PRKN: variants seen among roughly 807,000 people sequenced by gnomAD.
PRKN encodes the protein E3 ubiquitin-protein ligase parkin.
In PRKN, 56 loss-of-function variants were observed where a neutral mutation model predicts 59.5. The ratio of observed to expected loss-of-function variants is 0.94; its 90% confidence interval spans 0.76 to 1.18. The LOEUF (loss-of-function observed/expected upper bound fraction) is 1.18. Among genes scored for constraint, PRKN ranks in the 50% most tolerant of loss-of-function variants. PRKN has a pLI of 0.00. For missense variants in PRKN, 657 were observed against 596.4 expected (o/e 1.10, Z -1.06); for synonymous variants, 250 against 222.1 (o/e 1.13, Z -1.12).
At chr6:162,325,048 GA>G (rs903481544) in intron 2 of PRKN, among the ~76,000 whole-genome samples, 8 of 149,992 alleles carry the variant, frequency 5.3e-5, no homozygotes, top group South Asian at 2.1e-4. Context: ...TTTTAATTTG[GA>G]AAAAAAAATC....
chr6:162,571,837 A>C (rs935667450), intron 1 of PRKN, among the ~76,000 whole-genome samples: 2 of 152,220 alleles, frequency 1.3e-5, no homozygotes, highest in South Asian at 4.1e-4. Flanking sequence ...AGGAAAATGC[A>C]GATAAGTAAC....
At chr6:162,358,799 C>A (rs1185637020) in intron 2 of PRKN, among the ~76,000 whole-genome samples, 1 of 151,988 alleles carries the variant, frequency 6.6e-6, no homozygotes, top group East Asian at 1.9e-4. Context: ...GCAGCTCACG[C>A]CTGTAATCCC....
At chr6:161,630,637 A>G (rs1783267446) in intron 7 of PRKN, among the ~76,000 whole-genome samples, 1 of 152,112 alleles carries the variant, frequency 6.6e-6, no homozygotes, top group Non-Finnish European at 1.5e-5. Context: ...CAAATTCATC[A>G]TCTTTAAGTT....
intron 10 of PRKN, among the ~76,000 whole-genome samples, chr6:161,383,691 G>T (rs1410188972): frequency 6.6e-6 from 1 of 152,194 alleles, no homozygotes. Flanking sequence ...GCCTGGGGTG[G>T]TCATGGCTCC....
intron 1 of PRKN, among the ~76,000 whole-genome samples, chr6:162,639,757 TAAAGAA>T (rs1280520289): frequency 6.6e-5 from 10 of 152,148 alleles, no homozygotes; most frequent in African/African-American, 1.2e-4. Context: ...AGATTATCTT[TAAAGAA>T]AAAGTCTAGC....
chr6:161,431,758 G>A (rs947768194), intron 9 of PRKN, among the ~76,000 whole-genome samples: 22 of 151,784 alleles, frequency 1.4e-4, no homozygotes, highest in South Asian at 4.2e-4. Flanking sequence ...GATTACAGGC[G>A]CCTGCCACCA....
At position 162,472,413 on chromosome 6, in the gene PRKN, T is replaced by C. The variant is rs549067873; in HGVS notation, c.8-28940A>G. ...ACTCTGTGTCCAAGTGTTCTCATTG[T>C]TCAATTCCCACCTATGAGTGAGAAC... On this transcript the variant is annotated intron_variant, in intron 1 of 11. Coordinates refer to ENST00000366898, the MANE Select transcript of PRKN (RefSeq NM_004562.3). 5.5e-5 allele frequency among the ~76,000 whole-genome samples: 8 copies of C among 144,274 alleles called. No homozygotes were observed. In the South Asian group the frequency reaches 1.1e-3, roughly 20 times the overall value. 94.6% of individuals were successfully genotyped at this position (144,274 alleles called of 152,430 possible). A position where few individuals can be genotyped will look rare whatever the true frequency, so the allele number is the denominator to read the frequency against.
chr6:161,480,110 C>T lies in PRKN; in HGVS notation c.1083+68744G>A, dbSNP rs866009638. ...AGCCGTGTGCAGGCCATAGCATGAG[C>T]GAGAAATGAACTTTTGTTGGGTGAA... On this transcript the variant is annotated intron_variant, in intron 9 of 11. Coordinates refer to ENST00000366898, the MANE Select transcript of PRKN (RefSeq NM_004562.3). This position sits in a 1 kb window ranked among gnomAD's most constrained non-coding sequence, Gnocchi z 4.1. Among the ~76,000 whole-genome samples, 6 of 152,146 alleles carry T rather than the reference C, an allele frequency of 3.9e-5. No individual in the cohort carries two copies. The highest frequency in any genetic ancestry group is 1.4e-4 in the African/African-American group (6 of 41,444).
rs1189125805 is a variant in PRKN at position 162,509,513 on chromosome 6, T to A, written c.8-66040A>T. Among the ~76,000 whole-genome samples the A allele has an allele frequency of 1.3e-5, 2 of 152,172 alleles. 1 individual carries two copies. Among genetic ancestry groups the A allele is most frequent in the Non-Finnish European group, 2.9e-5 (2 of 68,024 alleles). ...TTAAAAACAAGCCTATCTTAGAACA[T>A]TCTCTCAGGTAAATCATGCATAATT... On this transcript the variant is annotated intron_variant, in intron 1 of 11. Coordinates refer to ENST00000366898, the MANE Select transcript of PRKN (RefSeq NM_004562.3).
intron 2 of PRKN, among the ~76,000 whole-genome samples, chr6:162,356,747 TAAAAAAAAAAA>T (rs748212596): frequency 1.4e-5 from 1 of 73,066 alleles, no homozygotes; most frequent in South Asian, 4.7e-4. Context: ...TGATTATTAG[TAAAAAAAAAAA>T]AAAAAAAAAA....
Position 161,447,141 on chromosome 6 carries a change from C to T in PRKN, c.1084-60264G>A, listed in dbSNP as rs929158600. 3.3e-5 allele frequency among the ~76,000 whole-genome samples: 5 copies of T among 152,194 alleles called. No homozygotes were observed. Among genetic ancestry groups the T allele is most frequent in the African/African-American group, 1.2e-4 (5 of 41,440 alleles). ...ACACTGAGCGTTACTATAGCAACATCTTTCCTGCTACTAGGACAGTTAAGT... is the reference window on the plus strand; with the variant it reads ...ACACTGAGCGTTACTATAGCAACATTTTTCCTGCTACTAGGACAGTTAAGT... On this transcript the variant is annotated intron_variant, in intron 9 of 11. Coordinates refer to ENST00000366898, the MANE Select transcript of PRKN (RefSeq NM_004562.3). This position sits in a 1 kb window ranked among gnomAD's most constrained non-coding sequence, Gnocchi z 4.1.
chr6:162,238,451 A>G (rs1445468693), intron 3 of PRKN, among the ~76,000 whole-genome samples: 1 of 152,248 alleles, frequency 6.6e-6, no homozygotes, highest in Non-Finnish European at 1.5e-5. Flanking sequence ...GTGACTATAC[A>G]TAAATATGTT....
intron 1 of PRKN, among the ~76,000 whole-genome samples, chr6:162,496,885 AT>A (rs1325453362): frequency 5.3e-5 from 8 of 152,196 alleles, no homozygotes; most frequent in African/African-American, 1.9e-4. Flanking sequence ...CTACACTTGT[AT>A]TTGAATGTCT....
intron 6 of PRKN, among the ~76,000 whole-genome samples, chr6:161,851,944 G>C (rs532391544): frequency 8.0e-5 from 12 of 150,904 alleles, no homozygotes; most frequent in African/African-American, 2.7e-4. Context: ...AAAATTAGCC[G>C]GGCGTGGTAG....
intron 2 of PRKN, among the ~76,000 whole-genome samples, chr6:162,422,330 CT>C (rs1382894728): frequency 8.5e-5 from 13 of 152,182 alleles, no homozygotes; most frequent in African/African-American, 2.2e-4. Flanking sequence ...TTACCTGCCC[CT>C]AGTATACAAC....
intron 6 of PRKN, among the ~76,000 whole-genome samples, chr6:161,957,409 G>GTTTTTTTTTTTTTTT (rs1203607451): frequency 1.6e-5 from 2 of 127,392 alleles, no homozygotes; most frequent in African/African-American, 6.2e-5. Context: ...TGTTCTTGTT[G>GTTTTTTTTTTTTTTT]TTTTTTTTTT....
At chr6:162,487,054 A>G (rs1304396581) in intron 1 of PRKN, among the ~76,000 whole-genome samples, 1 of 152,092 alleles carries the variant, frequency 6.6e-6, no homozygotes, top group Non-Finnish European at 1.5e-5. Flanking sequence ...TGGGCAATAG[A>G]GTGAGACTCT....
chr6:161,768,028 G>T (rs1315687732), intron 7 of PRKN, among the ~76,000 whole-genome samples: 4 of 152,006 alleles, frequency 2.6e-5, no homozygotes, highest in African/African-American at 7.2e-5. Context: ...TTAGAAAAAT[G>T]AATGGATGAC....
At chr6:162,613,277 TAACC>T (rs1189922030) in intron 1 of PRKN, among the ~76,000 whole-genome samples, 1 of 152,214 alleles carries the variant, frequency 6.6e-6, no homozygotes, top group Non-Finnish European at 1.5e-5. Flanking sequence ...ACAGCAGCTT[TAACC>T]AACCAACCAA....
Sources: allele counts gnomAD v4.1 joint callset (sites outside exome capture counted in the v4.1 genomes callset), GRCh38; gene constraint gnomAD v4.1.1; non-coding constraint Gnocchi (gnomAD v3.1); transcripts MANE v1.5; gene names NCBI Gene and HGNC (gene_info 2026-07-23, HGNC 2026-07-21).